Variants in TRPM3 observed in about 807,000 individuals in gnomAD.
TRPM3 encodes transient receptor potential cation channel subfamily M member 3, also known as long transient receptor potential channel 3.
Under a neutral mutation model 181.2 loss-of-function variants are expected in TRPM3, and 77 were observed. That is an observed-to-expected ratio of 0.42 (90% CI 0.35 to 0.51). TRPM3 has a LOEUF of 0.51. TRPM3 is among the 20% of genes least tolerant of loss of function. TRPM3 has a pLI of 0.01. For missense variants in TRPM3, 1,759 were observed against 2,196.7 expected (o/e 0.80, Z 3.98); for synonymous variants, 745 against 796.4 (o/e 0.94, Z 1.09).
rs113003541 is a variant in TRPM3, at chr9:70,576,578, G to T, written c.3223+14453C>A. ...CGCCCAGACTAGAGTGCAATGGTGC[G>T]ATCTCGGCTCACTGCAACCTCTGCC... is the stretch of plus-strand genomic sequence containing the variant. On this transcript the variant is annotated intron_variant, in intron 22 of 25. Transcript: ENST00000677713. Among the ~76,000 whole-genome samples, 231 of 150,492 alleles carry T rather than the reference G, an allele frequency of 1.5e-3. 1 individual carries two copies. Among genetic ancestry groups the T allele is most frequent in the African/African-American group, 5.4e-3 (222 of 40,746 alleles).
chr9:71,220,773 A>G (rs10780998), intron 1 of TRPM3, among the ~76,000 whole-genome samples: 61,145 of 151,886 alleles, frequency 0.4, 13,157 homozygotes, highest in East Asian at 0.52. Context: ...CAAAGTCTAC[A>G]CACGAAAATA....
chr9:70,936,071 C>T (rs2096826112), intron 1 of TRPM3, among the ~76,000 whole-genome samples: 1 of 152,188 alleles, frequency 6.6e-6, no homozygotes, highest in African/African-American at 2.4e-5. Context: ...GGCTTCAAAA[C>T]CTAGGAGAGA....
At chr9:70,961,800 A>G (rs1197429113) in intron 1 of TRPM3, among the ~76,000 whole-genome samples, 2 of 152,286 alleles carry the variant, frequency 1.3e-5, no homozygotes, top group Non-Finnish European at 1.5e-5. Flanking sequence ...ATTGGTATTT[A>G]TAAGTTTGGT....
intron 1 of TRPM3, among the ~76,000 whole-genome samples, chr9:70,869,929 A>G (rs1589420217): frequency 6.6e-6 from 1 of 152,082 alleles, no homozygotes; most frequent in Admixed American, 6.6e-5. Context: ...TCTTGATTGG[A>G]TAAGTGAACA....
intron 12 of TRPM3, among the ~76,000 whole-genome samples, chr9:70,626,102 T>C (rs1251585600): frequency 2.0e-5 from 3 of 152,214 alleles, no homozygotes; most frequent in Non-Finnish European, 2.9e-5. Context: ...GATCTAGAGT[T>C]ATGGTGTCTT....
chr9:70,883,536 G>C (rs984473827), intron 1 of TRPM3, among the ~76,000 whole-genome samples: 10 of 152,194 alleles, frequency 6.6e-5, no homozygotes, highest in Admixed American at 5.9e-4. Context: ...CTGAGAGCTT[G>C]AGAAAGTGGT....
In TRPM3 at chr9:71,180,030, G is replaced by T. The variant is rs914986742; in HGVS notation, c.183+266623C>A. 6.3e-5 allele frequency among the ~76,000 whole-genome samples: 9 copies of T among 141,928 alleles called. No individual in the cohort carries two copies. The East Asian group carries it at 1.1e-3, about 17-fold the overall frequency. 93.1% of individuals were successfully genotyped at this position (141,928 alleles called of 152,430 possible). On this transcript the variant is annotated intron_variant, in intron 1 of 24. Coordinates refer to the TRPM3 transcript ENST00000357533. Reference sequence around the variant, plus strand: ...TTTTACATTACACAATAAAAGGGGAGAACCTTATCATACATCCTTCTTTTT... The same window carrying T: ...TTTTACATTACACAATAAAAGGGGATAACCTTATCATACATCCTTCTTTTT...
intron 3 of TRPM3, among the ~76,000 whole-genome samples, chr9:70,848,502 C>T (rs955497955): frequency 1.3e-5 from 2 of 152,044 alleles, no homozygotes; most frequent in Non-Finnish European, 2.9e-5. Context: ...GAATTCTAAG[C>T]AGGATAAATG....
chr9:70,987,731 G>A (rs1289984219), intron 1 of TRPM3, among the ~76,000 whole-genome samples: 1 of 152,036 alleles, frequency 6.6e-6, no homozygotes, highest in Non-Finnish European at 1.5e-5. Context: ...AAGTAGTACT[G>A]CTGCACACCA....
At chr9:70,584,446 A>C (rs755364420) in intron 22 of TRPM3, among the ~76,000 whole-genome samples, 6 of 152,106 alleles carry the variant, frequency 3.9e-5, no homozygotes, top group Non-Finnish European at 8.8e-5. Flanking sequence ...TCCCATTCAC[A>C]CCTTCTCCTG....
chr9:70,615,844 T>C, intron 18 of TRPM3, 64 bp downstream of exon 18: 1 of 1,492,360 alleles, frequency 6.7e-7, no homozygotes, highest in Non-Finnish European at 9.0e-7. Context: ...ATCTTGAGCA[T>C]ATCGGTGGGA....
At chr9:71,434,764 T>C (rs966199848) in intron 1 of TRPM3, among the ~76,000 whole-genome samples, 2 of 152,188 alleles carry the variant, frequency 1.3e-5, no homozygotes, top group African/African-American at 4.8e-5. Context: ...TGTTAACATT[T>C]TGAAGACTGT....
chr9:71,120,345 T>TGCTTAAAGGTGC lies in TRPM3; in HGVS notation c.177+832_177+833insGCACCTTTAAGC, dbSNP rs2073347671. 2.6e-5 allele frequency among the ~76,000 whole-genome samples: 4 copies of TGCTTAAAGGTGC among 152,192 alleles called. No individual in the cohort carries two copies. The South Asian group carries it at 6.2e-4, about 24-fold the overall frequency. On this transcript the variant is annotated intron_variant, in intron 1 of 25. Transcript: ENST00000677713. ...TCTATTTACTGGGCAAAAATGCTTG[T>TGCTTAAAGGTGC]TTCCTGCACCTTTAAATCTAATTTG...
chr9:71,273,654 C>T (rs1320910699), intron 1 of TRPM3, among the ~76,000 whole-genome samples: 2 of 152,216 alleles, frequency 1.3e-5, no homozygotes, highest in Non-Finnish European at 2.9e-5. Flanking sequence ...AATCCACTCC[C>T]CAAAGCGCCA....
chr9:70,674,955 G>A (rs920093100), intron 9 of TRPM3, among the ~76,000 whole-genome samples: 1 of 151,888 alleles, frequency 6.6e-6, no homozygotes, highest in Non-Finnish European at 1.5e-5. Context: ...TGTAATGGAA[G>A]ATGGGTCAGA....
At chr9:71,209,999 A>G (rs1488297112) in intron 1 of TRPM3, among the ~76,000 whole-genome samples, 1 of 152,142 alleles carries the variant, frequency 6.6e-6, no homozygotes, top group African/African-American at 2.4e-5. Flanking sequence ...CCAAGGGTAC[A>G]TTTCCCAGGA....
At chr9:70,575,820 T>C (rs2132253053) in intron 22 of TRPM3, among the ~76,000 whole-genome samples, 1 of 152,310 alleles carries the variant, frequency 6.6e-6, no homozygotes, top group South Asian at 2.1e-4. Context: ...TCCTGGACTG[T>C]TCCTGTCACA....
At chr9:71,052,628 T>A (rs902477974) in intron 1 of TRPM3, among the ~76,000 whole-genome samples, 7 of 152,120 alleles carry the variant, frequency 4.6e-5, no homozygotes, top group African/African-American at 1.7e-4. Flanking sequence ...AAAGGCATTT[T>A]GAGACTTGCT....
intron 6 of TRPM3, among the ~76,000 whole-genome samples, chr9:70,813,610 A>G (rs1267383418): frequency 1.3e-5 from 2 of 152,154 alleles, no homozygotes; most frequent in African/African-American, 4.8e-5. Flanking sequence ...GCATCATGCA[A>G]TATACGCTTG....
Sources: gnomAD v4.1 joint callset for allele counts (sites outside exome capture counted in the v4.1 genomes callset) on GRCh38, gnomAD v4.1.1 for gene constraint, MANE v1.5 for transcripts, NCBI Gene and HGNC (gene_info 2026-07-23, HGNC 2026-07-21) for gene names.